Variants in DPF1 observed in about 807,000 individuals in gnomAD.
DPF1 encodes double PHD fingers 1.
A neutral mutation model predicts 58.7 loss-of-function variants in DPF1; 14 were observed. That is an observed-to-expected ratio of 0.24 (90% CI 0.16 to 0.37). The LOEUF is 0.37. Among genes scored for constraint, DPF1 ranks in the 10% least tolerant of loss-of-function variants. The pLI is 1.00. For synonymous variants in DPF1, 216 were observed against 216.0 expected (o/e 1.00, Z 0.00); for missense variants, 345 against 529.9 (o/e 0.65, Z 3.43).
chr19:38,217,393 C>G, intron 7 of DPF1, 67 bp downstream of exon 7: 5 of 1,097,200 alleles, frequency 4.6e-6, no homozygotes, highest in Non-Finnish European at 5.0e-6. Flanking sequence ...CCACCCCCAC[C>G]CCCAGCTGGG....
Position 38,219,076 on chromosome 19 carries a change from G to C in DPF1, c.299-18C>G. ...TTCACAGTCTGGGGACAGGGCCATG[G>C]GGGGGTCAGATGGGGAAGTTGACCC... is the stretch of plus-strand genomic sequence containing the variant. On this transcript the variant is annotated intron_variant, in intron 3 of 11. Transcript: ENST00000355526. The C allele has an allele frequency of 6.2e-7, 1 of 1,613,016 alleles. No individual in the cohort carries two copies. The highest frequency in any genetic ancestry group is 8.5e-7 in the Non-Finnish European group (1 of 1,179,868).
intron 5 of DPF1, 139 bp downstream of exon 5, chr19:38,218,434 C>T: frequency 1.2e-6 from 1 of 816,878 alleles, no homozygotes. Flanking sequence ...ATAAAATCCC[C>T]CACCCCTGCA....
intron 9 of DPF1, among the ~76,000 whole-genome samples, chr19:38,214,318 C>T (rs1005116044): frequency 6.6e-6 from 1 of 152,222 alleles, no homozygotes; most frequent in Non-Finnish European, 1.5e-5. Context: ...TTCCACAGCC[C>T]CGCTGCAGAG....
Position 38,222,108 on chromosome 19 carries a change from TAAA to T in DPF1, c.298+246_298+248del, listed in dbSNP as rs1285146165. ...GGTGAAACTCTGTCTCAAAAATAAA[TAAA>T]TAAATAAATAAATAAATAAATAACA... On this transcript the variant is annotated intron_variant, in intron 3 of 11. Transcript: ENST00000355526. This position sits in a 1 kb window ranked among gnomAD's most constrained non-coding sequence, Gnocchi z 4.9. 6.7e-6 allele frequency among the ~76,000 whole-genome samples: 1 copy of T among 150,298 alleles called. No homozygotes were observed. Among genetic ancestry groups the T allele is most frequent in the Non-Finnish European group, 1.5e-5 (1 of 67,282 alleles).
rs772698932 is a variant in DPF1, at chr19:38,224,153, G to A, written c.-11C>T. 2.0e-6 allele frequency: 3 copies of A among 1,470,916 alleles called. No individual in the cohort carries two copies. The highest frequency in any genetic ancestry group is 1.5e-5 in the South Asian group (1 of 68,908). 91.1% of individuals were successfully genotyped at this position (1,470,916 alleles called of 1,614,324 possible). On this transcript the variant is annotated 5_prime_UTR_variant, in exon 1 of 12. Transcript: ENST00000355526. This position sits in a 1 kb window ranked among gnomAD's most constrained non-coding sequence, Gnocchi z 4.5. ...GATGACAGTGGCCATCTTGCTCCCC[G>A]GGTCCTGCCCCCAGCAGGTCCCCGC...
At chr19:38,218,857 G>A (rs972588896) in intron 4 of DPF1, 74 bp downstream of exon 4, 38 of 1,593,014 alleles carry the variant, frequency 2.4e-5, no homozygotes, top group Admixed American at 5.1e-5. Context: ...GAGCAGGAAC[G>A]TGAGGGCCCG....
chr19:38,212,759 C>T (rs931111035), intron 10 of DPF1, among the ~76,000 whole-genome samples: 3 of 147,318 alleles, frequency 2.0e-5, no homozygotes, highest in Non-Finnish European at 4.5e-5. Flanking sequence ...TACAGGTGTG[C>T]GCCACCATGC....
chr19:38,213,067 A>C (rs972410753), intron 10 of DPF1, among the ~76,000 whole-genome samples: 4 of 148,812 alleles, frequency 2.7e-5, no homozygotes, highest in Admixed American at 6.7e-5. Flanking sequence ...GGCTCACTGC[A>C]ATCTCCACCT....
chr19:38,225,500 C>T (rs572152135), upstream of DPF1, among the ~76,000 whole-genome samples: 52 of 151,522 alleles, frequency 3.4e-4, no homozygotes, highest in South Asian at 1.3e-3. Context: ...ACCTGGGAGG[C>T]TGAGGCTGCA....
chr19:38,225,889 C>CAAAA (rs35172798), upstream of DPF1, among the ~76,000 whole-genome samples: 83 of 128,492 alleles, frequency 6.5e-4, 1 homozygote, highest in African/African-American at 2.3e-3. Flanking sequence ...ACCCTGTCTC[C>CAAAA]AAAAAAAAAA....
chr19:38,217,119 G>A (rs916947487), intron 7 of DPF1, among the ~76,000 whole-genome samples: 8 of 152,114 alleles, frequency 5.3e-5, no homozygotes, highest in African/African-American at 1.9e-4. Flanking sequence ...GAAGCCAAGG[G>A]CTCCCAGGCC....
In DPF1 at chr19:38,216,419, CAG is replaced by C. The variant is rs776899944; in HGVS notation, c.728-18_728-17del. ...TTGTAAAACTCTGGGGTAGGGGGGA[CAG>C]AGAGAGGGACTCTCACCACAGGCAA... On this transcript the variant is annotated splice_polypyrimidine_tract_variant and intron_variant, in intron 7 of 11. Coordinates refer to ENST00000355526, the MANE Select transcript of DPF1 (RefSeq NM_001135155.3). 8.9e-6 allele frequency: 14 copies of C among 1,569,650 alleles called. No homozygotes were observed. Among genetic ancestry groups the C allele is most frequent in the Admixed American group, 1.8e-5 (1 of 55,184 alleles).
chr19:38,214,593 G>GA (rs1973716097), intron 9 of DPF1, among the ~76,000 whole-genome samples: 1 of 152,138 alleles, frequency 6.6e-6, no homozygotes, highest in Non-Finnish European at 1.5e-5. Context: ...TGCCCAGGTG[G>GA]TGGTGTCCGT....
At chr19:38,217,965 A>G in intron 5 of DPF1, 89 bp from the exon 6 acceptor site, 1 of 1,319,626 alleles carries the variant, frequency 7.6e-7, no homozygotes, top group Non-Finnish European at 1.1e-6. Context: ...GCACTTTGGG[A>G]GGCCGAGGCA....
In DPF1 at chr19:38,222,615, G is replaced by A. The variant is rs748567481; in HGVS notation, c.123C>T (p.Leu41=). ...TCTGGGCCACGCCGGTCTGCGAGTC[G>A]AGGAAGGGCAGTCGCAGGCTGCGCT... ...CAERSLRLPF[L]DSQTGVAQNN... Residue 41 remains leucine (L), a synonymous_variant, in exon 2 of 12, where the codon CTC becomes CTT. Coordinates refer to ENST00000355526, the MANE Select transcript of DPF1 (RefSeq NM_001135155.3). The surrounding 1 kb of genome is among the most constrained non-coding windows in gnomAD (Gnocchi z 4.9). 1.2e-6 allele frequency: 2 copies of A among 1,611,946 alleles called. No homozygotes were observed. Among genetic ancestry groups the A allele is most frequent in the African/African-American group, 1.3e-5 (1 of 74,862 alleles).
In DPF1 at chr19:38,222,854, C is replaced by T. The variant is rs976529910; in HGVS notation, c.30-146G>A. ...CCTCACCTCTCCCCTCCTCCCACTCCGGGACCCAGGCTGGGGGAAGGGGAC... is the reference window on the plus strand; with the variant it reads ...CCTCACCTCTCCCCTCCTCCCACTCTGGGACCCAGGCTGGGGGAAGGGGAC... On this transcript the variant is annotated intron_variant, in intron 1 of 11. Coordinates refer to ENST00000355526, the MANE Select transcript of DPF1 (RefSeq NM_001135155.3). This position sits in a 1 kb window ranked among gnomAD's most constrained non-coding sequence, Gnocchi z 4.9. 43 of 1,206,792 alleles carry T rather than the reference C, an allele frequency of 3.6e-5. No homozygotes were observed. The highest frequency in any genetic ancestry group is 4.6e-5 in the Non-Finnish European group (42 of 913,882). The allele number at this position is 1,206,792 out of a possible 1,614,324, so 74.8% of individuals were successfully genotyped here.
At chr19:38,213,781 AG>A in intron 9 of DPF1, 25 bp from the exon 10 acceptor site, 1 of 1,595,956 alleles carries the variant, frequency 6.3e-7, no homozygotes, top group Non-Finnish European at 8.6e-7. Context: ...GCAGGGGTGC[AG>A]TTAGGAGGTC....
intron 9 of DPF1, 148 bp from the exon 10 acceptor site, chr19:38,213,904 C>G: frequency 1.6e-6 from 1 of 626,332 alleles, no homozygotes; most frequent in South Asian, 2.0e-5. Flanking sequence ...CCACACCTGC[C>G]CAGCAACCAC....
chr19:38,213,630 C>A lies in DPF1; in HGVS notation c.1011+14G>T. On this transcript the variant is annotated intron_variant, in intron 10 of 11. Coordinates refer to ENST00000355526, the MANE Select transcript of DPF1 (RefSeq NM_001135155.3). ...GGCGGGCAGCAGGGCACGCGGGGGG[C>A]GGGCGGCACTCACGTCGTTCTCGGA... is the stretch of plus-strand genomic sequence containing the variant. 1 of 1,606,298 alleles carries A rather than the reference C, an allele frequency of 6.2e-7. No homozygotes were observed. The highest frequency in any genetic ancestry group is 8.5e-7 in the Non-Finnish European group (1 of 1,175,170).
Sources: allele counts gnomAD v4.1 joint callset (sites outside exome capture counted in the v4.1 genomes callset), GRCh38; gene constraint gnomAD v4.1.1; non-coding constraint Gnocchi (gnomAD v3.1); transcripts MANE v1.5; gene names NCBI Gene and HGNC (gene_info 2026-07-23, HGNC 2026-07-21).